PHLDB2: variants seen among roughly 807,000 people sequenced by gnomAD.
PHLDB2 encodes the protein pleckstrin homology like domain family B member 2.
Under a neutral mutation model 123.6 loss-of-function variants are expected in PHLDB2, and 71 were observed. The observed-to-expected ratio is 0.57, with a 90% CI of 0.47 to 0.70. The LOEUF (loss-of-function observed/expected upper bound fraction) is 0.70. PHLDB2 is among the 30% of genes least tolerant of loss of function. The pLI is 0.00. For synonymous variants in PHLDB2, 547 were observed against 541.6 expected (o/e 1.01, Z -0.14); for missense variants, 1,446 against 1,519.5 (o/e 0.95, Z 0.80).
At chr3:111,890,556 C>A (rs1041532878) in intron 2 of PHLDB2, among the ~76,000 whole-genome samples, 3 of 152,316 alleles carry the variant, frequency 2.0e-5, no homozygotes, top group Admixed American at 1.3e-4. Context: ...CCAAAGATTT[C>A]TTTAACTCAT....
intron 1 of PHLDB2, among the ~76,000 whole-genome samples, chr3:111,834,604 T>C (rs2063316963): frequency 6.6e-6 from 1 of 151,880 alleles, no homozygotes; most frequent in Non-Finnish European, 1.5e-5. Context: ...CTCTGACATA[T>C]AACTTTAAGT....
chr3:111,945,317 G>C lies in PHLDB2; in HGVS notation c.2447G>C (p.Gly816Ala), dbSNP rs1485775596. The C allele has an allele frequency of 1.2e-6, 2 of 1,610,756 alleles. No individual in the cohort carries two copies. Among genetic ancestry groups the C allele is most frequent in the South Asian group, 1.1e-5 (1 of 90,770 alleles). ...GAAAAGAAATACTCCAGCCTCTCTG[G>C]GGGGAAAGGGTTTCCCGTTAACCCC... ...NLEKKYSSLS[G>A]GKGFPVNPNT... is the part of the protein sequence containing the mutation. Residue 816 changes from glycine (G) to alanine (A), a missense_variant, in exon 9 of 18, where the codon GGG (glycine) becomes GCG (alanine). By Grantham distance (60) the Gly-to-Ala change is moderately conservative. Transcript: ENST00000431670.
rs188721931 is a variant in PHLDB2, at chr3:111,878,668, G to C, written c.-14-5396G>C. The stretch of plus-strand genomic sequence containing the variant: ...AATGCTTCCGGTTTTTGTCCATTCA[G>C]TATGATATTGGCTGTGGGTTTGTTA... On this transcript the variant is annotated intron_variant, in intron 1 of 17. Coordinates refer to ENST00000431670, the MANE Select transcript of PHLDB2 (RefSeq NM_001134438.2). Among the ~76,000 whole-genome samples the C allele has an allele frequency of 5.3e-3, 801 of 152,280 alleles. 8 individuals carry two copies. Among genetic ancestry groups the C allele is most frequent in the African/African-American group, 0.019 (769 of 41,540 alleles).
At position 111,885,247 on chromosome 3, in the gene PHLDB2, T is replaced by G. The variant is rs753547789; in HGVS notation, c.1170T>G (p.Phe390Leu). ...RRNFSCGSVE[F>L]DEADLESLRQ... ...ACTTCTCTTGTGGATCTGTGGAATT[T>G]GATGAGGCAGATTTGGAAAGCCTCA... The change falls in exon 2 of 18, where the codon TTT (phenylalanine) becomes TTG (leucine). Residue 390 changes from phenylalanine (F) to leucine (L), a missense_variant. By Grantham distance (22) the Phe-to-Leu change is conservative. Coordinates refer to ENST00000431670, the MANE Select transcript of PHLDB2 (RefSeq NM_001134438.2). 1 of 1,614,166 alleles carries G rather than the reference T, an allele frequency of 6.2e-7. No homozygotes were observed. The highest frequency in any genetic ancestry group is 1.1e-5 in the South Asian group (1 of 91,086).
intron 1 of PHLDB2, chr3:111,732,793 G>A: frequency 1.7e-6 from 2 of 1,162,550 alleles, no homozygotes; most frequent in Non-Finnish European, 2.4e-6. Flanking sequence ...TTCTGAGGAG[G>A]GTCTGCTGGA....
At chr3:111,758,006 C>A (rs1190434845) in intron 1 of PHLDB2, among the ~76,000 whole-genome samples, 1 of 152,150 alleles carries the variant, frequency 6.6e-6, no homozygotes, top group Non-Finnish European at 1.5e-5. Context: ...TGTCAGTCTG[C>A]CCCTACTGGG....
At chr3:111,925,144 T>C (rs1388405657) in intron 5 of PHLDB2, among the ~76,000 whole-genome samples, 1 of 152,212 alleles carries the variant, frequency 6.6e-6, no homozygotes, top group African/African-American at 2.4e-5. Context: ...CATTCAAATC[T>C]TGATATGAAA....
At chr3:111,847,633 T>A (rs2064055372) in intron 2 of PHLDB2, among the ~76,000 whole-genome samples, 1 of 151,010 alleles carries the variant, frequency 6.6e-6, no homozygotes, top group Non-Finnish European at 1.5e-5. Context: ...AAAATGTGGA[T>A]CTTAGCTTTT....
At chr3:111,746,974 C>T (rs937614658) in intron 1 of PHLDB2, among the ~76,000 whole-genome samples, 9 of 152,108 alleles carry the variant, frequency 5.9e-5, no homozygotes, top group Non-Finnish European at 1.0e-4. Flanking sequence ...AGTTAGGGAA[C>T]GTTTCCACCT....
intron 2 of PHLDB2, among the ~76,000 whole-genome samples, chr3:111,890,919 T>C (rs1468367241): frequency 1.3e-5 from 2 of 152,144 alleles, no homozygotes; most frequent in Non-Finnish European, 2.9e-5. Flanking sequence ...AGCCTTTTCG[T>C]TTTTTATGAT....
intron 1 of PHLDB2, among the ~76,000 whole-genome samples, chr3:111,793,981 G>A (rs745731013): frequency 2.0e-5 from 3 of 151,628 alleles, no homozygotes; most frequent in Non-Finnish European, 4.4e-5. Context: ...AGTTGGGGGA[G>A]GGGTAACTCA....
chr3:111,870,074 T>C (rs902488499), intron 1 of PHLDB2, among the ~76,000 whole-genome samples: 1 of 152,224 alleles, frequency 6.6e-6, no homozygotes, highest in Non-Finnish European at 1.5e-5. Context: ...CTGTGAGATA[T>C]AAAATCTTGT....
Position 111,912,976 on chromosome 3 carries a change from T to G in PHLDB2, c.1336-343T>G, listed in dbSNP as rs545476968. Among the ~76,000 whole-genome samples the G allele has an allele frequency of 2.0e-3, 302 of 152,230 alleles. 3 individuals carry two copies. Among genetic ancestry groups the G allele is most frequent in the African/African-American group, 6.4e-3 (264 of 41,542 alleles). ...TTGGGACAGAGTAAGACCTTGTCTTTCTCCCTAACCCCACCCTTCAGAAAC... is the reference window on the plus strand; with the variant it reads ...TTGGGACAGAGTAAGACCTTGTCTTGCTCCCTAACCCCACCCTTCAGAAAC... On this transcript the variant is annotated intron_variant, in intron 2 of 17. Transcript: ENST00000431670.
In PHLDB2 at chr3:111,913,516, A is replaced by T; in HGVS notation, c.1533A>T (p.Lys511Asn). 1 of 1,614,152 alleles carries T rather than the reference A, an allele frequency of 6.2e-7. No homozygotes were observed. Among genetic ancestry groups the T allele is most frequent in the Non-Finnish European group, 8.5e-7 (1 of 1,180,004 alleles). ...ACACAAGATACAGGTGCCACCGGAAAGACTCCCTCCCTGATGCAGACTTGG... is the reference window on the plus strand; with the variant it reads ...ACACAAGATACAGGTGCCACCGGAATGACTCCCTCCCTGATGCAGACTTGG... ...SPDTRYRCHR[K>N]DSLPDADLAS... Residue 511 changes from lysine to asparagine, a missense_variant, in exon 3 of 18, where the codon AAA becomes AAT. Lys to Asn is a moderately conservative substitution (Grantham distance 94, BLOSUM62 0). Around this residue, in one of 3 missense-constraint regions of PHLDB2, gnomAD observed 832 missense variants for 831.9 expected, o/e 1.00. Transcript: ENST00000431670.
Position 111,892,882 on chromosome 3 carries a change from A to T in PHLDB2, c.1335+7470A>T, listed in dbSNP as rs183889952. On this transcript the variant is annotated intron_variant, in intron 2 of 17. Transcript: ENST00000431670. ...TTTTGGTATTTTATAAAATAAACTT[A>T]TATGTTCTCTAATCTCTGAAACGTG... Among the ~76,000 whole-genome samples, 3 of 152,324 alleles carry T rather than the reference A, an allele frequency of 2.0e-5. No individual in the cohort carries two copies. In the East Asian group the frequency reaches 5.8e-4, roughly 29 times the overall value.
intron 1 of PHLDB2, among the ~76,000 whole-genome samples, chr3:111,834,332 T>C (rs917161624): frequency 1.5e-5 from 2 of 132,346 alleles, no homozygotes; most frequent in African/African-American, 3.0e-5. Flanking sequence ...TATAATGGCA[T>C]TATATATAAT....
chr3:111,922,467 C>CT (rs1480788194), intron 5 of PHLDB2, among the ~76,000 whole-genome samples: 3 of 152,150 alleles, frequency 2.0e-5, no homozygotes, highest in African/African-American at 7.2e-5. Context: ...AGGCTATGCA[C>CT]TGGAGAGGGG....
At chr3:111,960,269 T>C (rs1003633298) in intron 12 of PHLDB2, 8 of 286,482 alleles carry the variant, frequency 2.8e-5, no homozygotes, top group African/African-American at 1.8e-4. Context: ...TTTAATGCTG[T>C]GTGGATTGAT....
At chr3:111,858,377 G>A (rs375815246), upstream of PHLDB2, among the ~76,000 whole-genome samples, 164 of 152,146 alleles carry the variant, frequency 1.1e-3, no homozygotes, top group African/African-American at 3.8e-3. Context: ...CCTAGATGAA[G>A]GGTTGATGGG....
Sources: allele counts gnomAD v4.1 joint callset (sites outside exome capture counted in the v4.1 genomes callset), GRCh38; gene constraint gnomAD v4.1.1; regional missense constraint gnomAD v4.1.1; transcripts MANE v1.5; gene names NCBI Gene and HGNC (gene_info 2026-07-23, HGNC 2026-07-21).